The following GRM1 variants were observed in gnomAD, a reference collection of about 807,000 sequenced individuals.
GRM1 encodes the protein glutamate metabotropic receptor 1.
A neutral mutation model predicts 90.9 loss-of-function variants in GRM1; 33 were observed. The ratio of observed to expected loss-of-function variants is 0.36; its 90% CI spans 0.28 to 0.49. The LOEUF (loss-of-function observed/expected upper bound fraction) is 0.49. Among genes scored for constraint, GRM1 ranks in the 20% least tolerant of loss-of-function variants. The probability of loss-of-function intolerance (pLI) is 0.99; values close to 1 mark genes in which losing one functional copy is unlikely to be tolerated. For missense variants in GRM1, 1,190 were observed against 1,534.3 expected, an observed-to-expected ratio of 0.78 and a Z score of 3.75; for synonymous variants, 700 against 613.2, an observed-to-expected ratio of 1.14 and a Z score of -2.09.
intron 7 of GRM1, among the ~76,000 whole-genome samples, chr6:146,424,246 G>A (rs569068064): frequency 2.0e-5 from 3 of 152,324 alleles, no homozygotes; most frequent in African/African-American, 7.2e-5. Context: ...TGGCACTTCC[G>A]GTCCAGGGAG....
chr6:146,278,645 G>A (rs1294070667), intron 2 of GRM1, among the ~76,000 whole-genome samples: 1 of 152,104 alleles, frequency 6.6e-6, no homozygotes, highest in Non-Finnish European at 1.5e-5. Flanking sequence ...TTAGCCGGGT[G>A]TGGTGGTTGA....
intron 2 of GRM1, among the ~76,000 whole-genome samples, chr6:146,267,697 G>GTCTCGTCTCGT (rs1781962434): frequency 1.3e-4 from 14 of 110,550 alleles, no homozygotes; most frequent in African/African-American, 7.2e-4. Flanking sequence ...GCTCGGCTCG[G>GTCTCGTCTCGT]CTCGGCTCGT....
At chr6:146,069,420 C>G (rs761340576) in intron 1 of GRM1, among the ~76,000 whole-genome samples, 1 of 152,066 alleles carries the variant, frequency 6.6e-6, no homozygotes. Context: ...AAACTTATGA[C>G]CATCTCTAGA....
chr6:146,044,356 C>T (rs1383160513), intron 1 of GRM1, among the ~76,000 whole-genome samples: 1 of 151,974 alleles, frequency 6.6e-6, no homozygotes, highest in Non-Finnish European at 1.5e-5. Flanking sequence ...CTTCTAACTT[C>T]TCCTGGTGTT....
intron 3 of GRM1, among the ~76,000 whole-genome samples, chr6:146,345,762 T>A (rs1785168571): frequency 6.6e-6 from 1 of 152,192 alleles, no homozygotes; most frequent in South Asian, 2.1e-4. Flanking sequence ...GGAATAGGCT[T>A]GGCAAGGATT....
In GRM1 at chr6:146,173,430, AAAAG is replaced by A. The variant is rs199557620; in HGVS notation, c.950+13849_950+13852del. Among the ~76,000 whole-genome samples, 67 of 151,462 alleles carry A rather than the reference AAAAG, an allele frequency of 4.4e-4. 1 individual carries two copies. The highest frequency in any genetic ancestry group is 4.3e-3 in the East Asian group (22 of 5,166). On this transcript the variant is annotated intron_variant, in intron 2 of 7. Coordinates refer to ENST00000282753, the MANE Select transcript of GRM1 (RefSeq NM_001278064.2). ...GAAAAGAAAAAAAAAAAGAAAAAGAAAAAGAAAGAAAGAAAGAAAAGAAAAAAAG... is the reference window on the plus strand; with the variant it reads ...GAAAAGAAAAAAAAAAAGAAAAAGAAAAAGAAAGAAAGAAAAGAAAAAAAG...
intron 5 of GRM1, among the ~76,000 whole-genome samples, chr6:146,382,640 TAAC>T (rs1476056790): frequency 6.6e-6 from 1 of 152,088 alleles, no homozygotes; most frequent in East Asian, 1.9e-4. Flanking sequence ...AAGAAATTAA[TAAC>T]AGACAAAGTC....
In GRM1 at chr6:146,387,020, G is replaced by A. The variant is rs1432795603; in HGVS notation, c.1729+4G>A. 6.2e-7 allele frequency: 1 copy of A among 1,612,746 alleles called. No individual in the cohort carries two copies. Among genetic ancestry groups the A allele is most frequent in the African/African-American group, 1.3e-5 (1 of 74,958 alleles). On this transcript the variant is annotated splice_donor_region_variant and intron_variant, in intron 6 of 7. Transcript: ENST00000282753. The stretch of plus-strand genomic sequence containing the variant: ...TGGCCCAATGCAGATCTAACAGGTA[G>A]GAACTGCCTCACTTGGAAACCTTGT...
At chr6:146,416,807 T>C (rs1265189469) in intron 7 of GRM1, among the ~76,000 whole-genome samples, 1 of 152,168 alleles carries the variant, frequency 6.6e-6, no homozygotes, top group African/African-American at 2.4e-5. Context: ...CCTTTGAAAG[T>C]CTTGACTCCA....
At chr6:146,043,259 T>C (rs535582984) in intron 1 of GRM1, among the ~76,000 whole-genome samples, 37 of 152,032 alleles carry the variant, frequency 2.4e-4, no homozygotes, top group Admixed American at 5.2e-4. Context: ...ATGCATTCCA[T>C]TGTGTTTCAG....
intron 2 of GRM1, among the ~76,000 whole-genome samples, chr6:146,269,389 TA>T (rs1782030896): frequency 6.6e-6 from 1 of 152,216 alleles, no homozygotes; most frequent in South Asian, 2.1e-4. Flanking sequence ...TTAAACCTCC[TA>T]AAAATTCTAT....
intron 5 of GRM1, among the ~76,000 whole-genome samples, chr6:146,375,299 C>T (rs1776054493): frequency 6.6e-6 from 1 of 151,936 alleles, no homozygotes; most frequent in Non-Finnish European, 1.5e-5. Context: ...AATGTATGAT[C>T]TATCCTTGAT....
At chr6:146,209,838 G>A (rs184402620) in intron 2 of GRM1, among the ~76,000 whole-genome samples, 331 of 152,248 alleles carry the variant, frequency 2.2e-3, no homozygotes, top group Admixed American at 3.7e-3. Context: ...AGATTGTTAG[G>A]CAGCAGTGGG....
At chr6:146,263,275 A>T (rs772324251) in intron 2 of GRM1, among the ~76,000 whole-genome samples, 66 of 152,048 alleles carry the variant, frequency 4.3e-4, no homozygotes, top group Non-Finnish European at 7.2e-4. Context: ...TTTAAAAACA[A>T]TTTTTCATGA....
intron 1 of GRM1, among the ~76,000 whole-genome samples, chr6:146,073,210 T>C (rs1382361378): frequency 6.6e-6 from 1 of 152,182 alleles, no homozygotes; most frequent in Non-Finnish European, 1.5e-5. Flanking sequence ...ATGATGGATC[T>C]GTAGGGAAGA....
intron 3 of GRM1, among the ~76,000 whole-genome samples, chr6:146,339,604 C>T (rs1375757117): frequency 6.6e-6 from 1 of 152,180 alleles, no homozygotes; most frequent in African/African-American, 2.4e-5. Context: ...GTTAGATCAT[C>T]ATCCTATTGC....
chr6:146,281,409 CT>C (rs1183745149), intron 2 of GRM1, among the ~76,000 whole-genome samples: 9 of 152,154 alleles, frequency 5.9e-5, no homozygotes, highest in Non-Finnish European at 8.8e-5. Flanking sequence ...TAAGTTCTAT[CT>C]TTAAGGATAC....
intron 2 of GRM1, among the ~76,000 whole-genome samples, chr6:146,190,500 C>T (rs1368232974): frequency 1.3e-5 from 2 of 152,078 alleles, no homozygotes; most frequent in Non-Finnish European, 2.9e-5. Context: ...CGATATCACA[C>T]CTTGAGGGAG....
intron 1 of GRM1, among the ~76,000 whole-genome samples, chr6:146,111,464 A>T: frequency 6.7e-6 from 1 of 150,284 alleles, no homozygotes; most frequent in Non-Finnish European, 1.5e-5. Context: ...GTTGCAAGCA[A>T]TATTAAATGA....
Sources: gnomAD v4.1 joint callset for allele counts (sites outside exome capture counted in the v4.1 genomes callset) on GRCh38, gnomAD v4.1.1 for gene constraint, MANE v1.5 for transcripts, NCBI Gene and HGNC (gene_info 2026-07-23, HGNC 2026-07-21) for gene names.